Variants in RBFOX1 observed in about 807,000 individuals in gnomAD.
RBFOX1 encodes RNA binding fox-1 homolog 1, also known as RNA binding protein fox-1 homolog 1.
Under a neutral mutation model 57.7 loss-of-function variants are expected in RBFOX1, and 8 were observed. The ratio of observed to expected loss-of-function variants is 0.14; its 90% confidence interval spans 0.08 to 0.25. The LOEUF (loss-of-function observed/expected upper bound fraction) is 0.25, where lower values mean the gene tolerates loss of function less well. RBFOX1 is among the 10% of genes least tolerant of loss of function. The pLI, the probability that RBFOX1 is intolerant of heterozygous loss-of-function variation, is 1.00. For missense variants in RBFOX1, 611 were observed against 548.5 expected, an observed-to-expected ratio of 1.11 and a Z score of -1.14; for synonymous variants, 326 against 222.4, an observed-to-expected ratio of 1.47 and a Z score of -4.15.
chr16:6,230,834 A>G (rs1007773048), intron 1 of RBFOX1, among the ~76,000 whole-genome samples: 1 of 152,230 alleles, frequency 6.6e-6, no homozygotes, highest in Non-Finnish European at 1.5e-5. Flanking sequence ...GAAATGCTAA[A>G]GAAACATATA....
intron 2 of RBFOX1, among the ~76,000 whole-genome samples, chr16:6,402,475 C>T (rs2093114196): frequency 6.6e-6 from 1 of 152,086 alleles, no homozygotes; most frequent in South Asian, 2.1e-4. Context: ...GAATTCAATC[C>T]ATACATACTG....
chr16:7,360,376 C>T (rs759305687), intron 4 of RBFOX1, among the ~76,000 whole-genome samples: 1 of 152,120 alleles, frequency 6.6e-6, no homozygotes, highest in Non-Finnish European at 1.5e-5. Flanking sequence ...TCATATGTGG[C>T]TGAAATAAAT....
At chr16:6,957,358 C>G (rs1429335517) in intron 3 of RBFOX1, among the ~76,000 whole-genome samples, 1 of 151,954 alleles carries the variant, frequency 6.6e-6, no homozygotes, top group Non-Finnish European at 1.5e-5. Flanking sequence ...GTCTCGATCT[C>G]CTGACTTCGT....
At chr16:7,593,416 C>A (rs1034771917) in intron 7 of RBFOX1, among the ~76,000 whole-genome samples, 1 of 152,052 alleles carries the variant, frequency 6.6e-6, no homozygotes, top group Non-Finnish European at 1.5e-5. Flanking sequence ...ATACAGTTGG[C>A]GAGTGTATTT....
Position 5,805,191 on chromosome 16 carries a change from G to A in RBFOX1, c.319-62112G>A, listed in dbSNP as rs192647428. ...CACTATGCAGTGATTCATGTGAACA[G>A]TAAATGAAACACTGTGTTCAGCCCT... On this transcript the variant is annotated intron_variant, in intron 3 of 19. Coordinates refer to the RBFOX1 transcript ENST00000641259. Among the ~76,000 whole-genome samples, 763 of 152,224 alleles carry A rather than the reference G, an allele frequency of 5.0e-3. 8 individuals carry two copies. Among genetic ancestry groups the A allele is most frequent in the African/African-American group, 0.018 (734 of 41,532 alleles).
chr16:5,240,555 T>A (rs1459851345), intron 1 of RBFOX1, among the ~76,000 whole-genome samples: 3 of 152,152 alleles, frequency 2.0e-5, no homozygotes, highest in Non-Finnish European at 4.4e-5. Context: ...GGCTGCGGGC[T>A]GGCGGCGCTC....
Position 5,595,232 on chromosome 16 carries a change from A to G in RBFOX1, c.259-3670A>G, listed in dbSNP as rs2151193327. 3.3e-5 allele frequency among the ~76,000 whole-genome samples: 5 copies of G among 152,264 alleles called. 1 individual carries two copies. The Middle Eastern group carries it at 0.017, about 518-fold the overall frequency. On this transcript the variant is annotated intron_variant, in intron 2 of 2. Transcript: ENST00000585867. ...AGGCAGTTGTTATGCAAAGAATATC[A>G]CCTTCTAATGCCACCTCTGGGAGCT...
chr16:6,814,194 A>G (rs1392638003), intron 3 of RBFOX1, among the ~76,000 whole-genome samples: 4 of 147,200 alleles, frequency 2.7e-5, no homozygotes, highest in Admixed American at 2.1e-4. Flanking sequence ...CATGATCAAC[A>G]TGATGATAAT....
chr16:7,425,786 G>A (rs945589054), intron 4 of RBFOX1, among the ~76,000 whole-genome samples: 2 of 152,138 alleles, frequency 1.3e-5, no homozygotes, highest in South Asian at 4.1e-4. Flanking sequence ...AGAAAGGATC[G>A]CCTTCCAGGA....
downstream of RBFOX1, among the ~76,000 whole-genome samples, chr16:5,603,720 A>C (rs13339348): frequency 0.042 from 6,331 of 152,238 alleles, 420 homozygotes; most frequent in African/African-American, 0.14. Flanking sequence ...GATGAATGAA[A>C]CATACCTGTC....
At chr16:5,692,167 G>C (rs3890959) in intron 3 of RBFOX1, among the ~76,000 whole-genome samples, 1 of 11,740 alleles carries the variant, frequency 8.5e-5, no homozygotes, top group Non-Finnish European at 2.0e-3. Context: ...GGGACTGACT[G>C]TGTGTGTGTG....
chr16:6,486,222 C>A (rs747512033), intron 2 of RBFOX1, among the ~76,000 whole-genome samples: 1 of 151,122 alleles, frequency 6.6e-6, no homozygotes, highest in African/African-American at 2.4e-5. Flanking sequence ...GGTACACACT[C>A]CTCATTGTTG....
At chr16:6,808,735 T>C (rs1307425571) in intron 3 of RBFOX1, among the ~76,000 whole-genome samples, 5 of 152,208 alleles carry the variant, frequency 3.3e-5, no homozygotes, top group Admixed American at 3.3e-4. Flanking sequence ...TGTTCTTTTC[T>C]CCACAGACAA....
intron 2 of RBFOX1, among the ~76,000 whole-genome samples, chr16:5,579,477 C>G (rs575062609): frequency 6.6e-6 from 1 of 152,276 alleles, no homozygotes; most frequent in East Asian, 1.9e-4. Flanking sequence ...GCCCCAGCCT[C>G]TCAAACACAC....
chr16:7,217,727 G>T (rs145317603), intron 4 of RBFOX1, among the ~76,000 whole-genome samples: 1 of 152,140 alleles, frequency 6.6e-6, no homozygotes, highest in Non-Finnish European at 1.5e-5. Context: ...CTGAGAAAAA[G>T]CTTTATTTAC....
chr16:6,995,894 A>G (rs1274125915), intron 3 of RBFOX1, among the ~76,000 whole-genome samples: 1 of 152,226 alleles, frequency 6.6e-6, no homozygotes, highest in South Asian at 2.1e-4. Flanking sequence ...CCTATGTTTG[A>G]ACCATAAATT....
chr16:6,962,069 T>A (rs538434543), intron 3 of RBFOX1, among the ~76,000 whole-genome samples: 8 of 152,302 alleles, frequency 5.3e-5, no homozygotes, highest in African/African-American at 1.7e-4. Context: ...CCTCTGACAC[T>A]TTCATGATTC....
chr16:5,548,169 AAAAAAATATATATATAT>A (rs1259582552), intron 2 of RBFOX1, among the ~76,000 whole-genome samples: 12 of 43,102 alleles, frequency 2.8e-4, no homozygotes, highest in South Asian at 1.7e-3. Flanking sequence ...AAAAAAAAAA[AAAAAAATATATATATAT>A]ATATATATAT....
intron 2 of RBFOX1, among the ~76,000 whole-genome samples, chr16:6,652,396 C>T (rs2098603729): frequency 6.6e-6 from 1 of 151,856 alleles, no homozygotes; most frequent in Non-Finnish European, 1.5e-5. Context: ...TGCAGTGAGC[C>T]AAGATCTCGC....
Sources: allele counts gnomAD v4.1 joint callset (sites outside exome capture counted in the v4.1 genomes callset), GRCh38; gene constraint gnomAD v4.1.1; transcripts MANE v1.5; gene names NCBI Gene and HGNC (gene_info 2026-07-23, HGNC 2026-07-21).